Variants in TMEM242 observed in about 807,000 individuals in gnomAD.
TMEM242 encodes UPF0463 transmembrane protein C6orf35.
TMEM242 carries 10 observed loss-of-function variants against 18.2 expected under a neutral mutation model. The observed-to-expected ratio is 0.55, with a 90% confidence interval of 0.34 to 0.93. The LOEUF is 0.93. Ranked by LOEUF, TMEM242 falls within the 40% of genes least tolerant of loss-of-function variation. TMEM242 has a pLI of 0.02. For synonymous variants in TMEM242, 57 were observed against 69.9 expected, an observed-to-expected ratio of 0.81 and a Z score of 0.92; for missense variants, 186 against 175.5, an observed-to-expected ratio of 1.06 and a Z score of -0.34.
At chr6:157,312,523 C>CACTGTGCGCTCACCTAGCCTCATCATAGT (rs1562384986) in intron 3 of TMEM242, among the ~76,000 whole-genome samples, 3 of 5,920 alleles carry the variant, frequency 5.1e-4, no homozygotes, top group Admixed American at 1.7e-3. Context: ...CTCATCATAC[C>CACTGTGCGCTCACCTAGCCTCATCATAGT]GCCCCAGTGT....
intron 1 of TMEM242, among the ~76,000 whole-genome samples, chr6:157,323,031 T>C (rs1778520404): frequency 6.6e-6 from 1 of 152,164 alleles, no homozygotes; most frequent in East Asian, 1.9e-4. Context: ...TCCGAATTAT[T>C]ATTCCCGAGC....
rs1777651582 is a variant in TMEM242, at chr6:157,289,194, TGCTTCTTGG to T, written c.*3698_*3706del. 6.6e-6 allele frequency among the ~76,000 whole-genome samples: 1 copy of T among 152,218 alleles called. No homozygotes were observed. The highest frequency in any genetic ancestry group is 2.4e-5 in the African/African-American group (1 of 41,458). Reference sequence around the variant, plus strand: ...TGGGTGGGAAAGTTGAAACGATATGTGCTTCTTGGTAGCTGTGATTCTAATTTTCTCCAA... The same window carrying T: ...TGGGTGGGAAAGTTGAAACGATATGTTAGCTGTGATTCTAATTTTCTCCAA... On this transcript the variant is annotated 3_prime_UTR_variant, in exon 4 of 4. Transcript: ENST00000400788.
intron 3 of TMEM242, among the ~76,000 whole-genome samples, chr6:157,314,297 T>A (rs1554250096): frequency 3.3e-5 from 5 of 149,914 alleles, no homozygotes; most frequent in African/African-American, 4.9e-5. Context: ...TGTCGCAGTG[T>A]GCACTCACCT....
intron 3 of TMEM242, chr6:157,300,222 T>C: frequency 2.4e-6 from 1 of 421,316 alleles, no homozygotes; most frequent in Non-Finnish European, 4.4e-6. Context: ...CCTTCAGCCC[T>C]CTGTGGCGAG....
Position 157,312,530 on chromosome 6 carries a change from G to C in TMEM242, c.327+6252C>G, listed in dbSNP as rs1345198569. On this transcript the variant is annotated intron_variant, in intron 3 of 3. Transcript: ENST00000400788. ...CACCGAGCCTCATCATACCGCCCCA[G>C]TGTGCACTCAGCTAGCCTCATCATA... Among the ~76,000 whole-genome samples the C allele has an allele frequency of 6.9e-5, 9 of 131,242 alleles. 1 individual carries two copies. The highest frequency in any genetic ancestry group is 5.4e-4 in the Admixed American group (7 of 12,916). The allele number at this position is 131,242 out of a possible 152,430, so 86.1% of individuals were successfully genotyped here. A position where few individuals can be genotyped will look rare whatever the true frequency, so the allele number is the denominator to read the frequency against.
Position 157,291,086 on chromosome 6 carries a change from C to CA in TMEM242, c.*1814_*1815insT, listed in dbSNP as rs1777677838. 1 of 152,210 alleles carries CA rather than the reference C, an allele frequency of 6.6e-6. No homozygotes were observed. The highest frequency in any genetic ancestry group is 1.5e-5 in the Non-Finnish European group (1 of 68,038). 9.4% of individuals were successfully genotyped at this position (152,210 alleles called of 1,614,324 possible). A position where few individuals can be genotyped will look rare whatever the true frequency, so the allele number is the denominator to read the frequency against. ...GCGGTGCTGACACCAGTTTACAAGG[C>CA]CCTGAGAGGGGTCCCTGCCCTTCGG... On this transcript the variant is annotated 3_prime_UTR_variant, in exon 4 of 4. Transcript: ENST00000400788.
chr6:157,309,917 T>C (rs1777971826), intron 3 of TMEM242, among the ~76,000 whole-genome samples: 1 of 152,174 alleles, frequency 6.6e-6, no homozygotes, highest in African/African-American at 2.4e-5. Flanking sequence ...CATGAATGCA[T>C]TCTCTAGAGG....
At position 157,305,225 on chromosome 6, in the gene TMEM242, G is replaced by A. The variant is rs113373350; in HGVS notation, c.328-12226C>T. Among the ~76,000 whole-genome samples the A allele has an allele frequency of 2.0e-5, 3 of 152,080 alleles. No homozygotes were observed. The highest frequency in any genetic ancestry group is 2.9e-5 in the Non-Finnish European group (2 of 68,022). On this transcript the variant is annotated intron_variant, in intron 3 of 3. Coordinates refer to ENST00000400788, the MANE Select transcript of TMEM242 (RefSeq NM_018452.6). This position sits in a 1 kb window ranked among gnomAD's most constrained non-coding sequence, Gnocchi z 4.1. ...GAATGGATGTGGAGAGATGAAGGAG[G>A]CAGGCGGTGTTCAGCGGCAGAGCTG...
chr6:157,301,743 C>A (rs1777832818), intron 3 of TMEM242, among the ~76,000 whole-genome samples: 1 of 152,056 alleles, frequency 6.6e-6, no homozygotes, highest in Non-Finnish European at 1.5e-5. Context: ...ACCAGCCTGG[C>A]CAACACAGTG....
intron 3 of TMEM242, among the ~76,000 whole-genome samples, chr6:157,316,167 T>C (rs150459622): frequency 5.1e-4 from 77 of 152,312 alleles, no homozygotes; most frequent in African/African-American, 1.7e-3. Context: ...ACACAGTTCA[T>C]GTAAAGTGCT....
intron 2 of TMEM242, among the ~76,000 whole-genome samples, chr6:157,319,210 T>G (rs1554250583): frequency 1.3e-5 from 2 of 152,210 alleles, no homozygotes; most frequent in African/African-American, 2.4e-5. Context: ...GACATTAAAG[T>G]GGTATTAAAA....
At chr6:157,313,883 GC>G (rs1778313026) in intron 3 of TMEM242, among the ~76,000 whole-genome samples, 1 of 147,584 alleles carries the variant, frequency 6.8e-6, no homozygotes. Context: ...TCATCACAGT[GC>G]CCCAGTGTGC....
intron 3 of TMEM242, among the ~76,000 whole-genome samples, chr6:157,293,544 A>C (rs1309020607): frequency 6.6e-6 from 1 of 152,240 alleles, no homozygotes; most frequent in Non-Finnish European, 1.5e-5. Context: ...TAGGTCATTC[A>C]AAGCTAGAAT....
chr6:157,311,380 G>C (rs1583565694), intron 3 of TMEM242, among the ~76,000 whole-genome samples: 2 of 94,636 alleles, frequency 2.1e-5, no homozygotes, highest in Non-Finnish European at 4.6e-5. Context: ...TAGTGTTCCA[G>C]TGTGCGCTCA....
At position 157,323,145 on chromosome 6, in the gene TMEM242, C is replaced by T. The variant is rs148109155; in HGVS notation, c.88+267G>A. Among the ~76,000 whole-genome samples the T allele has an allele frequency of 1.7e-3, 262 of 152,270 alleles. 3 individuals are homozygous for T. The highest frequency in any genetic ancestry group is 6.2e-3 in the African/African-American group (259 of 41,562). ...GATGGCAATCAGAAAAGGCAAGGCT[C>T]TAGAACAATTGCAGAGGTGACGGGG... On this transcript the variant is annotated intron_variant, in intron 1 of 3. Coordinates refer to ENST00000400788, the MANE Select transcript of TMEM242 (RefSeq NM_018452.6).
rs1271164382 is a variant in TMEM242 at position 157,292,310 on chromosome 6, G to A, written c.*591C>T. 3.3e-5 allele frequency: 5 copies of A among 152,174 alleles called. No individual in the cohort carries two copies. Among genetic ancestry groups the A allele is most frequent in the Non-Finnish European group, 1.5e-5 (1 of 68,050 alleles). The allele number at this position is 152,174 out of a possible 1,614,324, so 9.4% of individuals were successfully genotyped here. ...TGTTTTAAGTATAAGAATTTATAGG[G>A]CCTTCAAGCAAGGGCATCAGGTAAA... On this transcript the variant is annotated 3_prime_UTR_variant, in exon 4 of 4. Transcript: ENST00000400788.
chr6:157,303,624 C>T (rs1777862192), intron 3 of TMEM242, among the ~76,000 whole-genome samples: 1 of 152,108 alleles, frequency 6.6e-6, no homozygotes, highest in Non-Finnish European at 1.5e-5. Context: ...ATAATCAGCA[C>T]ACAGAACCCT....
At chr6:157,295,454 A>T (rs1165345452) in intron 3 of TMEM242, among the ~76,000 whole-genome samples, 1 of 152,206 alleles carries the variant, frequency 6.6e-6, no homozygotes, top group Non-Finnish European at 1.5e-5. Flanking sequence ...TTTACAACGA[A>T]GCCAGATGAC....
chr6:157,321,645 G>A (rs150824810), intron 2 of TMEM242, among the ~76,000 whole-genome samples: 80 of 152,300 alleles, frequency 5.3e-4, no homozygotes, highest in African/African-American at 1.7e-3. Flanking sequence ...GTTAGACCCC[G>A]AAGAGCATCT....
Sources: allele counts gnomAD v4.1 joint callset (sites outside exome capture counted in the v4.1 genomes callset), GRCh38; gene constraint gnomAD v4.1.1; non-coding constraint Gnocchi (gnomAD v3.1); transcripts MANE v1.5; gene names NCBI Gene and HGNC (gene_info 2026-07-23, HGNC 2026-07-21).